The following BANP variants were observed in gnomAD, a reference collection of about 807,000 sequenced individuals.
BANP encodes the protein protein BANP.
A neutral mutation model predicts 68.1 loss-of-function variants in BANP; 11 were observed. The ratio of observed to expected loss-of-function variants is 0.16; its 90% confidence interval spans 0.10 to 0.27. The LOEUF (loss-of-function observed/expected upper bound fraction) is 0.27. Among genes scored for constraint, BANP ranks in the 10% least tolerant of loss-of-function variants. The probability of loss-of-function intolerance (pLI) is 1.00; values close to 1 mark genes in which losing one functional copy is unlikely to be tolerated. For synonymous variants in BANP, 329 were observed against 303.2 expected (o/e 1.09, Z -0.88); for missense variants, 504 against 722.7 (o/e 0.70, Z 3.47).
chr16:87,992,199 TATC>T (rs1263273407), intron 4 of BANP, among the ~76,000 whole-genome samples: 1 of 152,256 alleles, frequency 6.6e-6, no homozygotes, highest in Non-Finnish European at 1.5e-5. Flanking sequence ...GCATTTCTCT[TATC>T]ATAAACCTGA....
chr16:87,953,722 T>C (rs184318668), intron 1 of BANP, among the ~76,000 whole-genome samples: 216 of 152,330 alleles, frequency 1.4e-3, no homozygotes, highest in Non-Finnish European at 2.4e-3. Flanking sequence ...TCCCATCGAC[T>C]CCTTACATTG....
chr16:88,050,052 G>A (rs1436844336), intron 11 of BANP, among the ~76,000 whole-genome samples: 2 of 152,320 alleles, frequency 1.3e-5, no homozygotes, highest in South Asian at 2.1e-4. Context: ...TCTCAGTCAC[G>A]TTCACAGGGA....
Position 88,036,915 on chromosome 16 carries a change from T to G in BANP, c.1273-1058T>G, listed in dbSNP as rs553542427. Among the ~76,000 whole-genome samples, 4 of 151,936 alleles carry G rather than the reference T, an allele frequency of 2.6e-5. No homozygotes were observed. The East Asian group carries it at 5.8e-4, about 22-fold the overall frequency. On this transcript the variant is annotated intron_variant, in intron 10 of 13. Transcript: ENST00000682872. This position sits in a 1 kb window ranked among gnomAD's most constrained non-coding sequence, Gnocchi z 4.2. ...AGCTCAGCGAGGTCAGGTGCAGGAG[T>G]TGGGGGCCTGAGTGGCTGCGAGGTG... is the stretch of plus-strand genomic sequence containing the variant.
rs755807731 is a variant in BANP at position 88,036,222 on chromosome 16, G to A, written c.1272+828G>A. On this transcript the variant is annotated intron_variant, in intron 10 of 13. Coordinates refer to ENST00000682872, the MANE Select transcript of BANP (RefSeq NM_001386991.1). The surrounding 1 kb of genome is among the most constrained non-coding windows in gnomAD (Gnocchi z 4.2). Reference sequence around the variant, plus strand: ...TGAGGAACATGGCTGTTTCTAGGTCGTGACAATGGCACCAGCTTTGTGTTT... The same window carrying A: ...TGAGGAACATGGCTGTTTCTAGGTCATGACAATGGCACCAGCTTTGTGTTT... Among the ~76,000 whole-genome samples the A allele has an allele frequency of 6.6e-6, 1 of 152,224 alleles. No individual in the cohort carries two copies.
intron 2 of BANP, among the ~76,000 whole-genome samples, chr16:87,979,000 G>C (rs1255937607): frequency 6.6e-6 from 1 of 152,154 alleles, no homozygotes; most frequent in African/African-American, 2.4e-5. Flanking sequence ...AAAATCGGTC[G>C]ACAGTGGTCC....
At chr16:88,034,141 G>A (rs4843776) in intron 9 of BANP, among the ~76,000 whole-genome samples, 108,696 of 152,064 alleles carry the variant, frequency 0.71, 42,344 homozygotes, top group East Asian at 0.88. Context: ...GAAGGCTTCC[G>A]GAAAATTCTG....
At chr16:88,040,719 G>A (rs1375638823) in intron 11 of BANP, among the ~76,000 whole-genome samples, 1 of 152,194 alleles carries the variant, frequency 6.6e-6, no homozygotes, top group Non-Finnish European at 1.5e-5. Flanking sequence ...GTACTGTCCC[G>A]GAGGCCCTTG....
At chr16:88,067,373 C>T (rs1335434268) in intron 12 of BANP, among the ~76,000 whole-genome samples, 1 of 152,130 alleles carries the variant, frequency 6.6e-6, no homozygotes, top group African/African-American at 2.4e-5. Context: ...ACCTACACCA[C>T]ATCTGCGCCG....
At chr16:88,052,606 G>C (rs543597993) in intron 11 of BANP, among the ~76,000 whole-genome samples, 28 of 150,706 alleles carry the variant, frequency 1.9e-4, no homozygotes, top group Non-Finnish European at 4.0e-4. Context: ...TACCACCTCC[G>C]CCACTGTCAT....
At chr16:88,060,940 G>A (rs980706345) in intron 11 of BANP, among the ~76,000 whole-genome samples, 4 of 148,070 alleles carry the variant, frequency 2.7e-5, no homozygotes, top group African/African-American at 9.9e-5. Context: ...GGTGACTTTG[G>A]TTGTGTTCTT....
At chr16:88,059,308 G>A (rs913816681) in intron 11 of BANP, among the ~76,000 whole-genome samples, 6 of 151,830 alleles carry the variant, frequency 4.0e-5, no homozygotes, top group African/African-American at 7.3e-5. Context: ...CTTCCCTCTC[G>A]GCAGTGCTTG....
intron 7 of BANP, among the ~76,000 whole-genome samples, chr16:88,023,025 T>C (rs1219660013): frequency 3.3e-5 from 5 of 152,194 alleles, no homozygotes; most frequent in Non-Finnish European, 4.4e-5. Context: ...GGTCAGGTGC[T>C]GTCTCTTCTC....
intron 11 of BANP, among the ~76,000 whole-genome samples, chr16:88,059,994 G>T (rs2086265514): frequency 6.6e-6 from 1 of 152,256 alleles, no homozygotes; most frequent in African/African-American, 2.4e-5. Flanking sequence ...TCCGTGTAGT[G>T]TGTGGTGAGA....
chr16:87,988,564 C>T (rs1178832003), intron 4 of BANP, among the ~76,000 whole-genome samples: 3 of 152,162 alleles, frequency 2.0e-5, no homozygotes, highest in South Asian at 4.2e-4. Context: ...CGCCCCCGGC[C>T]GGGACTCAAA....
At chr16:88,027,457 G>T in intron 7 of BANP, 26 bp from the exon 8 acceptor site, 1 of 1,612,018 alleles carries the variant, frequency 6.2e-7, no homozygotes, top group South Asian at 1.1e-5. Context: ...AGGCCTCACC[G>T]CTTCTCCTTG....
At chr16:87,996,931 A>G (rs998708136) in intron 4 of BANP, among the ~76,000 whole-genome samples, 1 of 152,226 alleles carries the variant, frequency 6.6e-6, no homozygotes, top group African/African-American at 2.4e-5. Context: ...GTACTTGGAC[A>G]AAGCCTGTTG....
Position 88,027,385 on chromosome 16 carries a change from G to A in BANP, c.896-98G>A, listed in dbSNP as rs1160182108. 2.2e-6 allele frequency: 3 copies of A among 1,382,644 alleles called. No individual in the cohort carries two copies. In the Admixed American group the frequency reaches 5.6e-5, roughly 26 times the overall value. The allele number at this position is 1,382,644 out of a possible 1,614,324, so 85.6% of individuals were successfully genotyped here. A position where few individuals can be genotyped will look rare whatever the true frequency, so the allele number is the denominator to read the frequency against. ...CGGCCTGGCGGGCTGGGGTGCCTGG[G>A]TGAGGCCTCTTCAGCGGGCCCCGGC... On this transcript the variant is annotated intron_variant, in intron 7 of 13. Coordinates refer to ENST00000682872, the MANE Select transcript of BANP (RefSeq NM_001386991.1).
chr16:88,015,510 G>A (rs2074333764), intron 6 of BANP, among the ~76,000 whole-genome samples: 1 of 152,234 alleles, frequency 6.6e-6, no homozygotes, highest in East Asian at 1.9e-4. Flanking sequence ...CCTGGAGCAC[G>A]TGGCCCCTCC....
intron 4 of BANP, among the ~76,000 whole-genome samples, chr16:87,991,751 G>A (rs2065936728): frequency 6.6e-6 from 1 of 152,068 alleles, no homozygotes; most frequent in African/African-American, 2.4e-5. Context: ...TTTATCCTGT[G>A]TCATTTCTAA....
Sources: allele counts gnomAD v4.1 joint callset (sites outside exome capture counted in the v4.1 genomes callset), GRCh38; gene constraint gnomAD v4.1.1; non-coding constraint Gnocchi (gnomAD v3.1); transcripts MANE v1.5; gene names NCBI Gene and HGNC (gene_info 2026-07-23, HGNC 2026-07-21).